The following EPS15 variants were observed in gnomAD, a reference collection of about 807,000 sequenced individuals.
The protein encoded by EPS15 is epidermal growth factor receptor pathway substrate 15.
Under a neutral mutation model 113.8 loss-of-function variants are expected in EPS15, and 72 were observed. The ratio of observed to expected loss-of-function variants is 0.63; its 90% CI spans 0.52 to 0.77. The LOEUF is 0.77. Ranked by LOEUF, EPS15 falls within the 30% of genes least tolerant of loss-of-function variation. The probability of loss-of-function intolerance (pLI) is 0.00; values close to 1 mark genes in which losing one functional copy is unlikely to be tolerated. For synonymous variants in EPS15, 344 were observed against 363.4 expected, an observed-to-expected ratio of 0.95 and a Z score of 0.61; for missense variants, 1,048 against 1,045.8, an observed-to-expected ratio of 1.00 and a Z score of -0.03.
chr1:51,377,150 G>C (rs7531087), intron 21 of EPS15, among the ~76,000 whole-genome samples: 10,917 of 152,228 alleles, frequency 0.072, 416 homozygotes, highest in Middle Eastern at 0.1. Flanking sequence ...CGTAATCTCA[G>C]CTACTTGGAA....
chr1:51,356,573 T>C lies in EPS15; in HGVS notation c.*127A>G. ...AAAAAAAAAAAATCCTAAAATTTTG[T>C]CACATTTACAGGAATCTCAAACCTT... On this transcript the variant is annotated 3_prime_UTR_variant, in exon 25 of 25. Coordinates refer to ENST00000371733, the MANE Select transcript of EPS15 (RefSeq NM_001981.3). 2 of 746,938 alleles carry C rather than the reference T, an allele frequency of 2.7e-6. No homozygotes were observed. Among genetic ancestry groups the C allele is most frequent in the Middle Eastern group, 3.1e-4 (1 of 3,236 alleles). 46.3% of individuals were successfully genotyped at this position (746,938 alleles called of 1,614,324 possible). A position where few individuals can be genotyped will look rare whatever the true frequency, so the allele number is the denominator to read the frequency against.
At chr1:51,469,561 C>T (rs1655094955) in intron 4 of EPS15, among the ~76,000 whole-genome samples, 1 of 152,128 alleles carries the variant, frequency 6.6e-6, no homozygotes, top group East Asian at 1.9e-4. Flanking sequence ...TACAATTTGT[C>T]CAACCTGTCA....
At chr1:51,496,452 A>G (rs777648741) in intron 1 of EPS15, among the ~76,000 whole-genome samples, 19 of 152,200 alleles carry the variant, frequency 1.2e-4, no homozygotes, top group Middle Eastern at 3.2e-3. Flanking sequence ...CCTTCCATTT[A>G]ACAAAAGCAT....
chr1:51,416,634 G>A (rs1411401067), intron 13 of EPS15, among the ~76,000 whole-genome samples: 1 of 151,842 alleles, frequency 6.6e-6, no homozygotes, highest in Non-Finnish European at 1.5e-5. Context: ...ATGGGGTAGT[G>A]GAAATAAAAT....
chr1:51,452,615 A>C (rs1402565470), intron 8 of EPS15, among the ~76,000 whole-genome samples: 1 of 152,172 alleles, frequency 6.6e-6, no homozygotes, highest in African/African-American at 2.4e-5. Flanking sequence ...TCATTTTACA[A>C]ATGAACACAC....
chr1:51,414,471 A>G (rs1650029414), intron 13 of EPS15, among the ~76,000 whole-genome samples: 1 of 152,136 alleles, frequency 6.6e-6, no homozygotes, highest in Non-Finnish European at 1.5e-5. Context: ...TACTTTGTTC[A>G]TAAAATTATT....
chr1:51,467,588 C>T (rs147935245), intron 5 of EPS15, among the ~76,000 whole-genome samples: 6 of 152,212 alleles, frequency 3.9e-5, no homozygotes, highest in African/African-American at 1.4e-4. Flanking sequence ...AGCAGGAGTC[C>T]CCAATCCCTG....
chr1:51,427,406 T>G (rs1282842981), intron 12 of EPS15, among the ~76,000 whole-genome samples: 2 of 152,222 alleles, frequency 1.3e-5, no homozygotes, highest in Non-Finnish European at 2.9e-5. Flanking sequence ...TAGGCACCTG[T>G]CATTAAGAAG....
intron 24 of EPS15, among the ~76,000 whole-genome samples, chr1:51,359,401 G>A (rs1180318650): frequency 3.6e-5 from 5 of 139,908 alleles, no homozygotes; most frequent in African/African-American, 5.4e-5. Flanking sequence ...CTGAGATTAC[G>A]CCACTGCACT....
intron 12 of EPS15, among the ~76,000 whole-genome samples, chr1:51,432,297 A>AG (rs1651794501): frequency 7.2e-6 from 1 of 138,358 alleles, no homozygotes; most frequent in Non-Finnish European, 1.6e-5. Context: ...AGCCACATAG[A>AG]TTATGTATGT....
At chr1:51,406,157 C>T in intron 15 of EPS15, 49 bp from the exon 16 acceptor site, 8 of 1,537,448 alleles carry the variant, frequency 5.2e-6, no homozygotes, top group Non-Finnish European at 6.2e-6. Context: ...ACTAGAAAGA[C>T]ATGTAACATA....
chr1:51,402,492 T>A lies in EPS15; in HGVS notation c.1825A>T (p.Thr609Ser), dbSNP rs772950261. The change falls in exon 18 of 25, where the codon ACA becomes TCA. Residue 609 changes from threonine to serine, a missense_variant. Transcript: ENST00000371733. Reference protein sequence around the residue: ...DPFNVDSSSLTGPVADTNLDF... With the variant: ...DPFNVDSSSLSGPVADTNLDF... ...AAGTTTGTATCTGCAACTGGACCTG[T>A]CAGCGAACTTGAGTCTACATTAAAT... The A allele has an allele frequency of 1.7e-5, 27 of 1,587,380 alleles. No individual in the cohort carries two copies. Among genetic ancestry groups the A allele is most frequent in the Non-Finnish European group, 1.7e-6 (2 of 1,163,304 alleles).
At chr1:51,390,774 C>G (rs1454370091) in intron 21 of EPS15, among the ~76,000 whole-genome samples, 1 of 152,134 alleles carries the variant, frequency 6.6e-6, no homozygotes, top group African/African-American at 2.4e-5. Flanking sequence ...GATACCATCT[C>G]ACACCAGTTA....
intron 9 of EPS15, among the ~76,000 whole-genome samples, chr1:51,447,709 T>C (rs1235368491): frequency 6.6e-6 from 1 of 152,198 alleles, no homozygotes; most frequent in Non-Finnish European, 1.5e-5. Flanking sequence ...CATTTCTAAC[T>C]TTAATTCCAG....
intron 8 of EPS15, among the ~76,000 whole-genome samples, chr1:51,451,911 TGGTTGGTTTG>T (rs1653600590): frequency 6.6e-6 from 1 of 152,108 alleles, no homozygotes. Context: ...TCTTTTTTTT[TGGTTGGTTTG>T]TTTTTTGCCC....
intron 1 of EPS15, among the ~76,000 whole-genome samples, chr1:51,504,487 T>C (rs533465157): frequency 1.8e-4 from 28 of 152,048 alleles, no homozygotes; most frequent in Non-Finnish European, 3.7e-4. Flanking sequence ...ATCCATGAAA[T>C]GGGAGAAAAT....
intron 18 of EPS15, among the ~76,000 whole-genome samples, chr1:51,402,173 T>C (rs534344117): frequency 5.3e-5 from 8 of 150,786 alleles, no homozygotes; most frequent in Non-Finnish European, 8.8e-5. Flanking sequence ...AATACACACA[T>C]ACATACATAC....
Position 51,402,525 on chromosome 1 carries a change from C to A in EPS15, c.1792G>T (p.Glu598Ter). 6.9e-7 allele frequency: 1 copy of A among 1,451,222 alleles called. No individual in the cohort carries two copies. 89.9% of individuals were successfully genotyped at this position (1,451,222 alleles called of 1,614,324 possible). The change falls in exon 18 of 25, where the codon GAA (glutamate) becomes TAA (stop). Residue 598 changes from glutamate (E) to a stop codon, truncating the protein, a stop_gained and splice_region_variant. Transcript: ENST00000371733. LOFTEE classifies it high-confidence loss of function. ...ELDNNRHSKE[E>*]DPFNVDSSSL... ...CTTGAGTCTACATTAAATGGATCTT[C>A]CTAAAAATAATTTTAAATTAAAATT...
At chr1:51,406,622 A>G (rs1428505077) in intron 15 of EPS15, among the ~76,000 whole-genome samples, 2 of 152,186 alleles carry the variant, frequency 1.3e-5, no homozygotes, top group Non-Finnish European at 2.9e-5. Flanking sequence ...AAATTTTAGT[A>G]TACATGGATT....
Sources: allele counts gnomAD v4.1 joint callset (sites outside exome capture counted in the v4.1 genomes callset), GRCh38; gene constraint gnomAD v4.1.1; transcripts MANE v1.5; gene names NCBI Gene and HGNC (gene_info 2026-07-23, HGNC 2026-07-21).